ITPR1: variants seen among roughly 807,000 people sequenced by gnomAD.
The protein encoded by ITPR1 is inositol 1,4,5-trisphosphate receptor type 1.
A neutral mutation model predicts 318.4 loss-of-function variants in ITPR1; 96 were observed. That is an observed-to-expected ratio of 0.30 (90% CI 0.26 to 0.36). The LOEUF (loss-of-function observed/expected upper bound fraction) is 0.36, where lower values mean the gene tolerates loss of function less well. Ranked by LOEUF, ITPR1 falls within the 10% of genes least tolerant of loss-of-function variation. The probability of loss-of-function intolerance (pLI) is 1.00; values close to 1 mark genes in which losing one functional copy is unlikely to be tolerated. For missense variants in ITPR1, 2,440 were observed against 3,460.2 expected, an observed-to-expected ratio of 0.71 and a Z score of 7.40; for synonymous variants, 1,312 against 1,289.9, an observed-to-expected ratio of 1.02 and a Z score of -0.37.
At chr3:4,777,589 T>C (rs1026858200) in intron 48 of ITPR1, among the ~76,000 whole-genome samples, 1 of 152,204 alleles carries the variant, frequency 6.6e-6, no homozygotes, top group Non-Finnish European at 1.5e-5. Flanking sequence ...GCTTCTGAAC[T>C]GTTAGGTCAC....
chr3:4,800,635 T>G, intron 54 of ITPR1, 35 bp downstream of exon 54: 1 of 1,604,268 alleles, frequency 6.2e-7, no homozygotes, highest in Non-Finnish European at 8.5e-7. Context: ...ACTGTTTTGT[T>G]TGCAGATTAA....
chr3:4,631,153 G>C (rs1170705594), intron 5 of ITPR1, among the ~76,000 whole-genome samples: 1 of 152,158 alleles, frequency 6.6e-6, no homozygotes, highest in Non-Finnish European at 1.5e-5. Flanking sequence ...AAAATTACTT[G>C]AGCTCTCAGC....
intron 4 of ITPR1, among the ~76,000 whole-genome samples, chr3:4,580,144 A>G (rs2089162634): frequency 6.6e-6 from 1 of 152,070 alleles, no homozygotes; most frequent in South Asian, 2.1e-4. Context: ...CGGGAGGCGG[A>G]GCTTGCAGTG....
chr3:4,775,464 G>A, intron 47 of ITPR1, 22 bp downstream of exon 47: 1 of 1,578,822 alleles, frequency 6.3e-7, no homozygotes, highest in Non-Finnish European at 8.7e-7. Flanking sequence ...TCTGTTTTGG[G>A]ATGGGGAAAA....
intron 4 of ITPR1, among the ~76,000 whole-genome samples, chr3:4,526,323 G>C (rs932475762): frequency 2.0e-5 from 3 of 152,220 alleles, no homozygotes; most frequent in African/African-American, 7.2e-5. Flanking sequence ...ATATGAATTG[G>C]GGAGGGGATC....
chr3:4,783,259 C>CT (rs2046947981), intron 50 of ITPR1, among the ~76,000 whole-genome samples: 1 of 151,998 alleles, frequency 6.6e-6, no homozygotes, highest in Admixed American at 6.6e-5. Flanking sequence ...TTTGAAGAGC[C>CT]TTTCTCTTTT....
intron 2 of ITPR1, among the ~76,000 whole-genome samples, chr3:4,498,281 A>G (rs150537333): frequency 6.6e-6 from 1 of 152,380 alleles, no homozygotes; most frequent in East Asian, 1.9e-4. Context: ...TTAGATCTTT[A>G]CTACATGACA....
At chr3:4,533,290 G>T (rs1488390339) in intron 4 of ITPR1, among the ~76,000 whole-genome samples, 1 of 152,240 alleles carries the variant, frequency 6.6e-6, no homozygotes, top group African/African-American at 2.4e-5. Flanking sequence ...TGGGTAAGAT[G>T]TCCTGGGGAG....
rs2093289064 is a variant in ITPR1 at position 4,639,608 on chromosome 3, A to G, written c.366+138A>G. ...GCAGCCAGTTTATTGCAAAAAGTCT[A>G]GTGTTTCTTGTTAGATGTGATAGAC... On this transcript the variant is annotated intron_variant, in intron 6 of 61. Coordinates refer to ENST00000649015, the MANE Select transcript of ITPR1 (RefSeq NM_001378452.1). 4.5e-6 allele frequency: 3 copies of G among 667,298 alleles called. No individual in the cohort carries two copies. In the South Asian group the frequency reaches 5.2e-5, roughly 12 times the overall value. 41.3% of individuals were successfully genotyped at this position (667,298 alleles called of 1,614,324 possible). A position where few individuals can be genotyped will look rare whatever the true frequency, so the allele number is the denominator to read the frequency against.
chr3:4,761,387 T>G (rs1311695788), intron 44 of ITPR1, among the ~76,000 whole-genome samples: 1 of 152,194 alleles, frequency 6.6e-6, no homozygotes, highest in African/African-American at 2.4e-5. Context: ...CTGCATCAAT[T>G]TGCTTAGGAA....
chr3:4,514,616 T>C (rs1463347323), intron 2 of ITPR1, among the ~76,000 whole-genome samples: 2 of 152,168 alleles, frequency 1.3e-5, no homozygotes, highest in Non-Finnish European at 2.9e-5. Context: ...GACAAGGCCC[T>C]AGTCCTCTTG....
At chr3:4,569,464 T>C (rs748877839) in intron 4 of ITPR1, among the ~76,000 whole-genome samples, 1 of 152,236 alleles carries the variant, frequency 6.6e-6, no homozygotes, top group Non-Finnish European at 1.5e-5. Flanking sequence ...GAAAAATGAA[T>C]ATTGAGCGTC....
chr3:4,573,899 T>C (rs1471219763), intron 4 of ITPR1, among the ~76,000 whole-genome samples: 1 of 152,250 alleles, frequency 6.6e-6, no homozygotes, highest in Non-Finnish European at 1.5e-5. Flanking sequence ...CAAGAGAATG[T>C]AAACACCATG....
At chr3:4,640,239 G>A (rs889322601) in intron 6 of ITPR1, among the ~76,000 whole-genome samples, 1 of 152,154 alleles carries the variant, frequency 6.6e-6, no homozygotes, top group Non-Finnish European at 1.5e-5. Flanking sequence ...TAATTACATA[G>A]GAGTCCTTCC....
intron 37 of ITPR1, among the ~76,000 whole-genome samples, chr3:4,707,596 G>T (rs2094787464): frequency 2.0e-5 from 3 of 152,172 alleles, no homozygotes; most frequent in Admixed American, 2.0e-4. Flanking sequence ...AGTTCAGGGG[G>T]AGGGAATCTA....
intron 54 of ITPR1, among the ~76,000 whole-genome samples, chr3:4,803,833 G>C (rs1323406893): frequency 1.3e-5 from 2 of 152,062 alleles, no homozygotes; most frequent in Non-Finnish European, 2.9e-5. Context: ...AGCTGGTAGG[G>C]GGCAAACAGC....
intron 4 of ITPR1, among the ~76,000 whole-genome samples, chr3:4,542,725 AC>A (rs2084582289): frequency 6.6e-6 from 1 of 151,952 alleles, no homozygotes; most frequent in South Asian, 2.1e-4. Flanking sequence ...CTCTTAGAAA[AC>A]TTTTGATCTT....
At chr3:4,550,990 A>G (rs182022867) in intron 4 of ITPR1, among the ~76,000 whole-genome samples, 46 of 152,324 alleles carry the variant, frequency 3.0e-4, no homozygotes, top group African/African-American at 1.1e-3. Flanking sequence ...TGAGAATAGA[A>G]TAGTGCTGCC....
intron 44 of ITPR1, among the ~76,000 whole-genome samples, chr3:4,763,333 C>T (rs997144734): frequency 4.6e-5 from 7 of 152,040 alleles, no homozygotes; most frequent in African/African-American, 1.7e-4. Context: ...CCTGCACGTC[C>T]TGCATAGGTA....
Sources: allele counts gnomAD v4.1 joint callset (sites outside exome capture counted in the v4.1 genomes callset), GRCh38; gene constraint gnomAD v4.1.1; transcripts MANE v1.5; gene names NCBI Gene and HGNC (gene_info 2026-07-23, HGNC 2026-07-21).